NCKAP1: variants seen among roughly 807,000 people sequenced by gnomAD.
The protein encoded by NCKAP1 is nck-associated protein 1.
A neutral mutation model predicts 151.2 loss-of-function variants in NCKAP1; 21 were observed. That is an observed-to-expected ratio of 0.14 (90% CI 0.10 to 0.20). The LOEUF (loss-of-function observed/expected upper bound fraction) is 0.20, where lower values mean the gene tolerates loss of function less well. Among genes scored for constraint, NCKAP1 ranks in the 10% least tolerant of loss-of-function variants. The pLI is 1.00. For missense variants in NCKAP1, 933 were observed against 1,352.1 expected (o/e 0.69, Z 4.86); for synonymous variants, 484 against 451.8 (o/e 1.07, Z -0.90).
intron 1 of NCKAP1, among the ~76,000 whole-genome samples, chr2:183,031,163 C>T (rs1211653923): frequency 6.6e-6 from 1 of 152,066 alleles, no homozygotes; most frequent in East Asian, 1.9e-4. Context: ...GACACAAGTT[C>T]TGAGAAAGTC....
At chr2:183,031,426 T>A (rs1324591972) in intron 1 of NCKAP1, among the ~76,000 whole-genome samples, 1 of 152,214 alleles carries the variant, frequency 6.6e-6, no homozygotes, top group Non-Finnish European at 1.5e-5. Context: ...AAATTGTTAT[T>A]TAAAGGACTA....
At chr2:182,988,859 T>TA (rs1698109721) in intron 9 of NCKAP1, among the ~76,000 whole-genome samples, 171 bp downstream of exon 9, 1 of 152,190 alleles carries the variant, frequency 6.6e-6, no homozygotes, top group East Asian at 1.9e-4. Context: ...AAAAACATGA[T>TA]TATTAACTAT....
At chr2:182,936,946 C>G (rs2105806320) in intron 24 of NCKAP1, among the ~76,000 whole-genome samples, 1 of 151,796 alleles carries the variant, frequency 6.6e-6, no homozygotes, top group East Asian at 1.9e-4. Flanking sequence ...GAAACCCCAA[C>G]TCTACTAAAC....
intron 23 of NCKAP1, among the ~76,000 whole-genome samples, chr2:182,948,138 C>A (rs1240740975): frequency 2.0e-5 from 3 of 151,806 alleles, no homozygotes; most frequent in Non-Finnish European, 4.4e-5. Context: ...CATAGGAAGC[C>A]TTCTGAAAAA....
rs1696604314 is a variant in NCKAP1, at chr2:182,924,609, T to C, written c.*1093A>G. 1 of 152,186 alleles carries C rather than the reference T, an allele frequency of 6.6e-6. No individual in the cohort carries two copies. Among genetic ancestry groups the C allele is most frequent in the African/African-American group, 2.4e-5 (1 of 41,454 alleles). 9.4% of individuals were successfully genotyped at this position (152,186 alleles called of 1,614,324 possible). A position where few individuals can be genotyped will look rare whatever the true frequency, so the allele number is the denominator to read the frequency against. ...TCCCTATTCTTTTAAATAACTCTAT[T>C]TGGTTACAGATAAAATGAGCAAGTT... is the stretch of plus-strand genomic sequence containing the variant. On this transcript the variant is annotated 3_prime_UTR_variant, in exon 31 of 31. Coordinates refer to ENST00000361354, the MANE Select transcript of NCKAP1 (RefSeq NM_013436.5).
chr2:183,025,327 T>A (rs903445796), intron 1 of NCKAP1, among the ~76,000 whole-genome samples: 6 of 152,134 alleles, frequency 3.9e-5, no homozygotes, highest in Non-Finnish European at 7.4e-5. Flanking sequence ...AGCAAAACCA[T>A]CAGTGAAATT....
At position 182,980,838 on chromosome 2, in the gene NCKAP1, C is replaced by T. The variant is rs182739436; in HGVS notation, c.1341+406G>A. ...TCATCACCTCTCATCTAGCCTACTG[C>T]AGTCATTTTTCTTCTGGTCTCTCTG... On this transcript the variant is annotated intron_variant, in intron 13 of 30. Coordinates refer to ENST00000361354, the MANE Select transcript of NCKAP1 (RefSeq NM_013436.5). Among the ~76,000 whole-genome samples the T allele has an allele frequency of 1.5e-3, 235 of 152,232 alleles. 1 individual carries two copies. Among genetic ancestry groups the T allele is most frequent in the African/African-American group, 5.2e-3 (218 of 41,562 alleles).
chr2:182,956,690 C>T (rs540376817), intron 19 of NCKAP1, 97 bp from the exon 20 acceptor site: 6 of 1,294,546 alleles, frequency 4.6e-6, no homozygotes, highest in Non-Finnish European at 6.2e-6. Context: ...GGAGATAATG[C>T]TTAGAGAATT....
chr2:182,977,526 T>G lies in NCKAP1; in HGVS notation c.1424-575A>C, dbSNP rs140383537. 1.4e-4 allele frequency among the ~76,000 whole-genome samples: 21 copies of G among 152,168 alleles called. No individual in the cohort carries two copies. The East Asian group carries it at 4.1e-3, about 29-fold the overall frequency. On this transcript the variant is annotated intron_variant, in intron 14 of 30. Coordinates refer to ENST00000361354, the MANE Select transcript of NCKAP1 (RefSeq NM_013436.5). ...AAATAAATATCATGCACTATTATTC[T>G]GCTAAAAAAGAAAGGAAATTCTGAC... is the stretch of plus-strand genomic sequence containing the variant.
chr2:182,942,551 A>G (rs1485957482), intron 23 of NCKAP1, among the ~76,000 whole-genome samples: 1 of 152,132 alleles, frequency 6.6e-6, no homozygotes, highest in Non-Finnish European at 1.5e-5. Flanking sequence ...AAGGCAGGCT[A>G]GAGTATGCCT....
intron 2 of NCKAP1, among the ~76,000 whole-genome samples, chr2:183,004,092 A>C (rs1308419796): frequency 6.6e-6 from 1 of 152,186 alleles, no homozygotes; most frequent in Admixed American, 6.5e-5. Flanking sequence ...GACACTCTTG[A>C]GTATAGTTTA....
chr2:182,996,166 A>T (rs1179901823), intron 6 of NCKAP1, among the ~76,000 whole-genome samples: 1 of 152,246 alleles, frequency 6.6e-6, no homozygotes, highest in Non-Finnish European at 1.5e-5. Context: ...CCTTTTTGCC[A>T]ATGCAAGTTT....
In NCKAP1 at chr2:182,922,029, T is replaced by C. The variant is rs909500746; in HGVS notation, c.*3673A>G. 1 of 152,168 alleles carries C rather than the reference T, an allele frequency of 6.6e-6. No individual in the cohort carries two copies. Among genetic ancestry groups the C allele is most frequent in the Non-Finnish European group, 1.5e-5 (1 of 68,026 alleles). The allele number at this position is 152,168 out of a possible 1,614,324, so 9.4% of individuals were successfully genotyped here. A position where few individuals can be genotyped will look rare whatever the true frequency, so the allele number is the denominator to read the frequency against. On this transcript the variant is annotated 3_prime_UTR_variant, in exon 31 of 31. Coordinates refer to ENST00000361354, the MANE Select transcript of NCKAP1 (RefSeq NM_013436.5). ...AGAGAGCATTTTGTCTATTTGAAAA[T>C]TCAGGCTCAGGCCTTCAAATGAAAT... is the stretch of plus-strand genomic sequence containing the variant.
At chr2:182,965,311 G>A (rs1385769571) in intron 16 of NCKAP1, among the ~76,000 whole-genome samples, 2 of 149,334 alleles carry the variant, frequency 1.3e-5, no homozygotes, top group Non-Finnish European at 3.0e-5. Flanking sequence ...ATAATCACAC[G>A]CCATCAATTT....
chr2:182,919,655 AT>A lies in NCKAP1; in HGVS notation c.*6046del, dbSNP rs1171214205. ...TGCTTTTTTTTTTTAATGTATTATAATTTTTTTTTTTTTTGAGACAGAGTCT... is the reference window on the plus strand; with the variant it reads ...TGCTTTTTTTTTTTAATGTATTATAATTTTTTTTTTTTTGAGACAGAGTCT... On this transcript the variant is annotated 3_prime_UTR_variant, in exon 31 of 31. Coordinates refer to ENST00000361354, the MANE Select transcript of NCKAP1 (RefSeq NM_013436.5). 2,288 of 143,062 alleles carry A rather than the reference AT, an allele frequency of 0.016. 59 individuals carry two copies. The highest frequency in any genetic ancestry group is 0.053 in the African/African-American group (2,065 of 39,216). The allele number at this position is 143,062 out of a possible 1,614,324, so 8.9% of individuals were successfully genotyped here. A position where few individuals can be genotyped will look rare whatever the true frequency, so the allele number is the denominator to read the frequency against.
In NCKAP1 at chr2:183,005,369, C is replaced by T. The variant is rs114293117; in HGVS notation, c.220-2044G>A. Among the ~76,000 whole-genome samples, 190 of 152,264 alleles carry T rather than the reference C, an allele frequency of 1.2e-3. 2 individuals carry two copies. The highest frequency in any genetic ancestry group is 4.4e-3 in the African/African-American group (184 of 41,546). On this transcript the variant is annotated intron_variant, in intron 2 of 30. Coordinates refer to ENST00000361354, the MANE Select transcript of NCKAP1 (RefSeq NM_013436.5). ...AATAAATAATACGGTCACCATCTTA[C>T]TATGAGCCTTAAATGGTCTTAAATA...
intron 24 of NCKAP1, among the ~76,000 whole-genome samples, chr2:182,940,820 G>A (rs1255282894): frequency 6.6e-6 from 1 of 152,154 alleles, no homozygotes; most frequent in Admixed American, 6.5e-5. Flanking sequence ...TGATAGATTT[G>A]TATCACCACT....
At chr2:182,935,427 T>C in intron 24 of NCKAP1, 52 bp from the exon 25 acceptor site, 1 of 1,134,304 alleles carries the variant, frequency 8.8e-7, no homozygotes, top group Non-Finnish European at 1.2e-6. Flanking sequence ...TGAACTGGAT[T>C]CTTTCTTAAA....
chr2:182,918,342 T>C lies in NCKAP1; in HGVS notation c.*7360A>G, dbSNP rs1224810869. On this transcript the variant is annotated 3_prime_UTR_variant, in exon 31 of 31. Coordinates refer to ENST00000361354, the MANE Select transcript of NCKAP1 (RefSeq NM_013436.5). Reference sequence around the variant, plus strand: ...GATCCAGCAATCCTACTACTGGGTATCTACCCAAAGGAAGTCAATATATCA... The same window carrying C: ...GATCCAGCAATCCTACTACTGGGTACCTACCCAAAGGAAGTCAATATATCA... 1.3e-5 allele frequency: 2 copies of C among 152,146 alleles called. No individual in the cohort carries two copies. The highest frequency in any genetic ancestry group is 4.8e-5 in the African/African-American group (2 of 41,436). 9.4% of individuals were successfully genotyped at this position (152,146 alleles called of 1,614,324 possible).
Sources: gnomAD v4.1 joint callset for allele counts (sites outside exome capture counted in the v4.1 genomes callset) on GRCh38, gnomAD v4.1.1 for gene constraint, MANE v1.5 for transcripts, NCBI Gene and HGNC (gene_info 2026-07-23, HGNC 2026-07-21) for gene names.